The following AOPEP variants were observed in gnomAD, a reference collection of about 807,000 sequenced individuals.
AOPEP encodes aminopeptidase O.
In AOPEP, 77 loss-of-function variants were observed where a neutral mutation model predicts 98.1. The observed-to-expected ratio is 0.78, with a 90% CI of 0.65 to 0.95. AOPEP has a LOEUF of 0.95. Ranked by LOEUF, AOPEP falls within the 40% of genes least tolerant of loss-of-function variation. AOPEP has a pLI of 0.00. For missense variants in AOPEP, 1,024 were observed against 1,024.7 expected, an observed-to-expected ratio of 1.00 and a Z score of 0.01; for synonymous variants, 346 against 365.3, an observed-to-expected ratio of 0.95 and a Z score of 0.60.
intron 7 of AOPEP, among the ~76,000 whole-genome samples, chr9:94,936,678 G>A (rs1168496209): frequency 6.6e-6 from 1 of 152,114 alleles, no homozygotes; most frequent in Non-Finnish European, 1.5e-5. Context: ...ACACTGTCCA[G>A]AGCATCAGAT....
At chr9:94,890,565 C>G (rs1042750817) in intron 5 of AOPEP, among the ~76,000 whole-genome samples, 8 of 152,102 alleles carry the variant, frequency 5.3e-5, no homozygotes, top group Non-Finnish European at 8.8e-5. Flanking sequence ...TGGGTTTATT[C>G]TGCTCTTTTT....
At chr9:95,095,204 C>T in the AOPEP span, among the ~76,000 whole-genome samples, 2,567 of 152,236 alleles carry the variant, frequency 0.017, 82 homozygotes, top group African/African-American at 0.059. Context: ...CCCTATCTTA[C>T]GGTGCTGATA....
rs2063832738 is a variant in AOPEP at position 95,026,338 on chromosome 9, C to G, written c.2115+20722C>G. Among the ~76,000 whole-genome samples the G allele has an allele frequency of 2.6e-5, 4 of 152,254 alleles. No homozygotes were observed. The South Asian group carries it at 8.3e-4, about 31-fold the overall frequency. On this transcript the variant is annotated intron_variant, in intron 13 of 16. Coordinates refer to ENST00000375315, the MANE Select transcript of AOPEP (RefSeq NM_001193329.3). ...CCAGAGAAACCCCTGGCATCCATCA[C>G]TAATCACTGCCTATTTCCCCCTCTC... is the stretch of plus-strand genomic sequence containing the variant.
At chr9:95,136,218 T>C in the AOPEP span, among the ~76,000 whole-genome samples, 1 of 152,084 alleles carries the variant, frequency 6.6e-6, no homozygotes, top group Non-Finnish European at 1.5e-5. Flanking sequence ...AGTGAGGCCC[T>C]GCTTCTACAA....
At chr9:95,023,937 A>G (rs1288760521) in intron 13 of AOPEP, among the ~76,000 whole-genome samples, 1 of 152,238 alleles carries the variant, frequency 6.6e-6, no homozygotes, top group Non-Finnish European at 1.5e-5. Flanking sequence ...AGAAGTTTTT[A>G]TAGGTAAGCC....
At chr9:94,729,089 A>G (rs969472379) in intron 1 of AOPEP, among the ~76,000 whole-genome samples, 1 of 152,212 alleles carries the variant, frequency 6.6e-6, no homozygotes, top group African/African-American at 2.4e-5. Context: ...ATCTAGAGTC[A>G]GATATTCTTG....
At chr9:94,894,126 A>T (rs1564336409) in intron 5 of AOPEP, among the ~76,000 whole-genome samples, 1 of 152,200 alleles carries the variant, frequency 6.6e-6, no homozygotes, top group East Asian at 1.9e-4. Flanking sequence ...ATTGTTCTTG[A>T]TGAAAAATGT....
intron 13 of AOPEP, 41 bp from the exon 14 acceptor site, chr9:95,060,653 A>G (rs184265321): frequency 3.0e-6 from 4 of 1,325,772 alleles, no homozygotes; most frequent in East Asian, 2.3e-5. Flanking sequence ...TTTCTCATCA[A>G]CTGAATGGCA....
At chr9:95,110,931 T>C in the AOPEP span, 1 of 1,332,178 alleles carries the variant, frequency 7.5e-7, no homozygotes, top group Non-Finnish European at 9.6e-7. Context: ...CCAACTTCTT[T>C]TTCAGAAGCA....
rs540286621 is a variant in AOPEP, at chr9:94,999,554, G to A, written c.1978-5604G>A. On this transcript the variant is annotated intron_variant, in intron 11 of 16. Transcript: ENST00000375315. ...AACAACCCTCTAAATCCATCCTTCC[G>A]GTAAACATTGTGATGGATTTTATGG... 1.4e-3 allele frequency among the ~76,000 whole-genome samples: 212 copies of A among 152,188 alleles called. 2 individuals carry two copies. The highest frequency in any genetic ancestry group is 4.8e-3 in the African/African-American group (201 of 41,516).
intron 7 of AOPEP, chr9:94,933,091 C>G (rs1392259959): frequency 1.5e-5 from 15 of 985,562 alleles, no homozygotes; most frequent in Non-Finnish European, 1.8e-5. Context: ...AACTCTTCCC[C>G]AGGCAAAGTC....
chr9:94,907,212 A>G (rs956955484), intron 5 of AOPEP, among the ~76,000 whole-genome samples: 1 of 152,214 alleles, frequency 6.6e-6, no homozygotes, highest in Non-Finnish European at 1.5e-5. Flanking sequence ...ACATCACCGT[A>G]TTTTAAAATC....
At chr9:94,898,588 C>G (rs776233417) in intron 5 of AOPEP, among the ~76,000 whole-genome samples, 5 of 148,414 alleles carry the variant, frequency 3.4e-5, no homozygotes, top group African/African-American at 1.2e-4. Context: ...AGCCAGATCG[C>G]GCCATTGCAC....
chr9:94,733,139 C>T (rs570442802), intron 1 of AOPEP, among the ~76,000 whole-genome samples: 193 of 141,048 alleles, frequency 1.4e-3, no homozygotes, highest in African/African-American at 4.6e-3. Context: ...CAGTGTCTCA[C>T]TCTGTTGCCC....
intron 10 of AOPEP, among the ~76,000 whole-genome samples, chr9:94,977,829 C>T (rs1343531034): frequency 6.6e-6 from 1 of 152,228 alleles, no homozygotes; most frequent in Non-Finnish European, 1.5e-5. Context: ...CTCCCCTTCT[C>T]TTGCCTGCTA....
At chr9:95,012,590 T>A (rs1026236319) in intron 13 of AOPEP, among the ~76,000 whole-genome samples, 5 of 152,178 alleles carry the variant, frequency 3.3e-5, no homozygotes, top group Non-Finnish European at 5.9e-5. Flanking sequence ...CATTTTTTTC[T>A]GTAGCACGTA....
the AOPEP span, chr9:95,111,288 G>A: frequency 8.3e-4 from 1,297 of 1,569,554 alleles, 9 homozygotes; most frequent in African/African-American, 0.014. Context: ...ACAGGAGAAC[G>A]CCTCTGACCA....
chr9:94,921,914 C>G (rs2136769254), intron 5 of AOPEP, among the ~76,000 whole-genome samples: 1 of 152,240 alleles, frequency 6.6e-6, no homozygotes, highest in Non-Finnish European at 1.5e-5. Context: ...TACATTTACC[C>G]CCGACTCAGA....
chr9:94,827,271 T>G (rs1354507289), intron 5 of AOPEP, among the ~76,000 whole-genome samples: 1 of 152,204 alleles, frequency 6.6e-6, no homozygotes, highest in Non-Finnish European at 1.5e-5. Flanking sequence ...TTACACATAT[T>G]AAATCAGTAA....
Sources: allele counts gnomAD v4.1 joint callset (sites outside exome capture counted in the v4.1 genomes callset), GRCh38; gene constraint gnomAD v4.1.1; transcripts MANE v1.5; gene names NCBI Gene and HGNC (gene_info 2026-07-23, HGNC 2026-07-21).